The following DHODH variants were observed in gnomAD, a reference collection of about 807,000 sequenced individuals.
DHODH encodes the protein dihydroorotate dehydrogenase (quinone), also known as dihydroorotate dehydrogenase (quinone), mitochondrial.
In DHODH, 30 loss-of-function variants were observed where a neutral mutation model predicts 39.7. That is an observed-to-expected ratio of 0.76 (90% CI 0.57 to 1.02). DHODH has a LOEUF of 1.02. DHODH is among the 50% of genes least tolerant of loss of function. The probability of loss-of-function intolerance (pLI) is 0.00; values close to 1 mark genes in which losing one functional copy is unlikely to be tolerated. For missense variants in DHODH, 531 were observed against 520.8 expected, an observed-to-expected ratio of 1.02 and a Z score of -0.19; for synonymous variants, 222 against 213.8, an observed-to-expected ratio of 1.04 and a Z score of -0.34.
intron 1 of DHODH, among the ~76,000 whole-genome samples, chr16:72,010,260 G>T (rs1180366410): frequency 1.3e-5 from 2 of 152,086 alleles, no homozygotes; most frequent in African/African-American, 4.8e-5. Flanking sequence ...TACTGAGAGA[G>T]CCTTTACACT....
chr16:72,014,735 A>G (rs187230970), intron 3 of DHODH, 63 bp downstream of exon 3: 7 of 1,498,114 alleles, frequency 4.7e-6, no homozygotes, highest in African/African-American at 4.1e-5. Flanking sequence ...GTTCAGAGAT[A>G]TAAGATCTGC....
rs1436800353 is a variant in DHODH at position 72,023,091 on chromosome 16, T to G, written c.820-74T>G. The G allele has an allele frequency of 2.6e-6, 4 of 1,560,828 alleles. No individual in the cohort carries two copies. In the South Asian group the frequency reaches 4.5e-5, roughly 18 times the overall value. On this transcript the variant is annotated intron_variant, in intron 6 of 8. Transcript: ENST00000219240. ...GTGGGTACCTGGCCCGGCTGCTGCC[T>G]TCGACCTCCAGAGAAGCGCCTCTGG...
At chr16:72,009,105 C>T in intron 1 of DHODH, 1 of 1,296,730 alleles carries the variant, frequency 7.7e-7, no homozygotes, top group Non-Finnish European at 9.8e-7. Context: ...CCGGATCCAA[C>T]GGGGAATGAA....
intron 2 of DHODH, among the ~76,000 whole-genome samples, chr16:72,012,604 T>G (rs539372811): frequency 1.3e-5 from 2 of 152,250 alleles, no homozygotes; most frequent in South Asian, 2.1e-4. Flanking sequence ...GGACCAGGAT[T>G]CAAACCCACA....
At position 72,015,957 on chromosome 16, in the gene DHODH, A is replaced by T. The variant is rs374348838; in HGVS notation, c.435-1067A>T. ...TATTATGGATGCTTTTGGCTCTAAC[A>T]AAGTGGCTTAAACAACAGGCACATT... On this transcript the variant is annotated intron_variant, in intron 3 of 8. Transcript: ENST00000219240. The T allele has an allele frequency of 4.7e-6, 4 of 852,230 alleles. No individual in the cohort carries two copies. The African/African-American group carries it at 7.3e-5, about 16-fold the overall frequency. 52.8% of individuals were successfully genotyped at this position (852,230 alleles called of 1,614,324 possible).
chr16:72,014,509 G>T lies in DHODH; in HGVS notation c.271G>T (p.Val91Leu), dbSNP rs1239159536. 1.2e-6 allele frequency: 2 copies of T among 1,614,202 alleles called. No individual in the cohort carries two copies. The highest frequency in any genetic ancestry group is 4.5e-5 in the East Asian group (2 of 44,888). The change falls in exon 3 of 9, where the codon GTA becomes TTA. Residue 91 changes from valine (V) to leucine (L), a missense_variant. Val to Leu is a conservative substitution (Grantham distance 32). Coordinates refer to ENST00000219240, the MANE Select transcript of DHODH (RefSeq NM_001361.5). ...RVLGHKFRNPVGIAAGFDKHG... is the reference protein window; with the variant it reads ...RVLGHKFRNPLGIAAGFDKHG... ...TCTGGGCCATAAATTCCGAAATCCA[G>T]TAGGAATTGCTGCAGGATTTGACAA...
Position 72,021,155 on chromosome 16 carries a change from G to T in DHODH, c.549G>T (p.Lys183Asn). 1 of 1,609,438 alleles carries T rather than the reference G, an allele frequency of 6.2e-7. No homozygotes were observed. The highest frequency in any genetic ancestry group is 2.2e-5 in the East Asian group (1 of 44,684). The stretch of plus-strand genomic sequence containing the variant: ...TGCCTCTGGGGGTCAACTTGGGGAA[G>T]AACAAGACCTCAGTGGACGCCGCGG... ...DGLPLGVNLG[K>N]NKTSVDAAED... The change falls in exon 5 of 9, where the codon AAG (lysine) becomes AAT (asparagine). Residue 183 changes from lysine (K) to asparagine (N), a missense_variant. Lys to Asn is a moderately conservative substitution (Grantham distance 94, BLOSUM62 0). Transcript: ENST00000219240.
intron 1 of DHODH, among the ~76,000 whole-genome samples, chr16:72,009,445 G>C (rs187293195): frequency 0.013 from 1,731 of 133,600 alleles, 36 homozygotes; most frequent in African/African-American, 0.045. Flanking sequence ...GGAGCTTGCA[G>C]TGAGCCGAGA....
In DHODH at chr16:72,023,771, A is replaced by G. The variant is rs2041250231; in HGVS notation, c.1133+138A>G. On this transcript the variant is annotated intron_variant, in intron 8 of 8. Transcript: ENST00000219240. ...GGGGTACACTCTGAAGGGGAGAGAAATTCTGGGTTACTCTTTTGATGAAGG... is the reference window on the plus strand; with the variant it reads ...GGGGTACACTCTGAAGGGGAGAGAAGTTCTGGGTTACTCTTTTGATGAAGG... 17 of 1,249,626 alleles carry G rather than the reference A, an allele frequency of 1.4e-5. No individual in the cohort carries two copies. The South Asian group carries it at 1.8e-4, about 13-fold the overall frequency. The allele number at this position is 1,249,626 out of a possible 1,614,324, so 77.4% of individuals were successfully genotyped here. A position where few individuals can be genotyped will look rare whatever the true frequency, so the allele number is the denominator to read the frequency against.
At chr16:72,018,017 G>C (rs921953940) in intron 4 of DHODH, among the ~76,000 whole-genome samples, 1 of 152,068 alleles carries the variant, frequency 6.6e-6, no homozygotes, top group Non-Finnish European at 1.5e-5. Context: ...CTGGTGATCC[G>C]CCTGCCTCGG....
chr16:72,019,363 G>A (rs1295813446), intron 4 of DHODH, among the ~76,000 whole-genome samples: 1 of 152,172 alleles, frequency 6.6e-6, no homozygotes, highest in East Asian at 1.9e-4. Context: ...AAGGTGGTGA[G>A]CAGTACAATA....
chr16:72,024,160 C>T lies in DHODH; in HGVS notation c.1149C>T (p.Gly383=), dbSNP rs1452400929. 1.9e-6 allele frequency: 3 copies of T among 1,614,140 alleles called. No individual in the cohort carries two copies. Among genetic ancestry groups the T allele is most frequent in the Non-Finnish European group, 2.5e-6 (3 of 1,180,016 alleles). The part of the protein sequence containing the change: ...LEALLKEQGF[G]GVTDAIGADH... ...CTTTTTCCAGAGAGCAGGGCTTTGG[C>T]GGAGTCACAGATGCCATTGGAGCAG... The change falls in exon 9 of 9, where the codon GGC becomes GGT. Residue 383 remains glycine (G), a synonymous_variant. Transcript: ENST00000219240.
intron 5 of DHODH, 69 bp from the exon 6 acceptor site, chr16:72,022,293 C>G: frequency 8.8e-7 from 1 of 1,131,926 alleles, no homozygotes; most frequent in East Asian, 2.6e-5. Context: ...TGACCTGCAG[C>G]GTAGGTCACA....
chr16:72,009,480 G>T (rs1201192319), intron 1 of DHODH, among the ~76,000 whole-genome samples: 1 of 118,800 alleles, frequency 8.4e-6, no homozygotes. Flanking sequence ...TCCGCAGTCC[G>T]GCCTGGGCGA....
intron 3 of DHODH, among the ~76,000 whole-genome samples, chr16:72,014,897 T>C (rs1220451834): frequency 1.3e-5 from 2 of 152,180 alleles, no homozygotes; most frequent in Non-Finnish European, 2.9e-5. Context: ...TGGAGGCTCA[T>C]AGAGCTAAAT....
chr16:72,022,075 CAG>C (rs1296966055), intron 5 of DHODH, among the ~76,000 whole-genome samples: 1 of 132,908 alleles, frequency 7.5e-6, no homozygotes, highest in Non-Finnish European at 1.5e-5. Context: ...GTGTGGGTGA[CAG>C]AGTGCGACCT....
At chr16:72,022,082 C>G (rs1223645785) in intron 5 of DHODH, among the ~76,000 whole-genome samples, 1 of 138,860 alleles carries the variant, frequency 7.2e-6, no homozygotes, top group East Asian at 2.1e-4. Flanking sequence ...TGACAGAGTG[C>G]GACCTTGTCT....
chr16:72,024,212 A>C lies in DHODH; in HGVS notation c.*13A>C. ...TCATCGGAGGTGAGGACAGCGTCTG[A>C]CGGGAAGCCTGATCTGGAACCTTCC... On this transcript the variant is annotated 3_prime_UTR_variant, in exon 9 of 9. Transcript: ENST00000219240. 1 of 1,614,040 alleles carries C rather than the reference A, an allele frequency of 6.2e-7. No individual in the cohort carries two copies.
At position 72,022,399 on chromosome 16, in the gene DHODH, G is replaced by A. The variant is rs2041229700; in HGVS notation, c.743G>A (p.Arg248Lys). 1 of 1,556,654 alleles carries A rather than the reference G, an allele frequency of 6.4e-7. No individual in the cohort carries two copies. The highest frequency in any genetic ancestry group is 1.9e-5 in the Admixed American group (1 of 51,700). The change falls in exon 6 of 9, where the codon AGG becomes AAG. Residue 248 changes from arginine (R) to lysine (K), a missense_variant. By Grantham distance (26) the Arg-to-Lys change is conservative. Transcript: ENST00000219240. ...QERDGLRRVH[R>K]PAVLVKIAPD... ...AGGGATGGCTTGCGGAGAGTGCACAGGCCGGCAGTCCTGGTGAAGATCGCT... is the reference window on the plus strand; with the variant it reads ...AGGGATGGCTTGCGGAGAGTGCACAAGCCGGCAGTCCTGGTGAAGATCGCT...
Sources: allele counts gnomAD v4.1 joint callset (sites outside exome capture counted in the v4.1 genomes callset), GRCh38; gene constraint gnomAD v4.1.1; transcripts MANE v1.5; gene names NCBI Gene and HGNC (gene_info 2026-07-23, HGNC 2026-07-21).